The following WWOX variants were observed in gnomAD, a reference collection of about 807,000 sequenced individuals.
The protein encoded by WWOX is WW domain-containing oxidoreductase.
WWOX carries 69 observed loss-of-function variants against 46.2 expected under a neutral mutation model. The observed-to-expected ratio is 1.49, with a 90% CI of 1.23 to 1.82. WWOX has a LOEUF of 1.82. WWOX is among the 40% of genes most tolerant of loss of function. The probability of loss-of-function intolerance (pLI) is 0.00; values close to 1 mark genes in which losing one functional copy is unlikely to be tolerated. For synonymous variants in WWOX, 359 were observed against 202.6 expected (o/e 1.77, Z -6.56); for missense variants, 919 against 542.6 (o/e 1.69, Z -6.89).
At position 78,229,234 on chromosome 16, in the gene WWOX, C is replaced by T. The variant is rs531022311; in HGVS notation, c.516+64945C>T. Among the ~76,000 whole-genome samples, 30 of 146,420 alleles carry T rather than the reference C, an allele frequency of 2.0e-4. No individual in the cohort carries two copies. In the East Asian group the frequency reaches 5.9e-3, roughly 29 times the overall value. On this transcript the variant is annotated intron_variant, in intron 5 of 8. Coordinates refer to ENST00000566780, the MANE Select transcript of WWOX (RefSeq NM_016373.4). Reference sequence around the variant, plus strand: ...CAGAAGGACTTTATAAATATTTTGCCTTTTTGAAGTATATACAAGAAATGA... The same window carrying T: ...CAGAAGGACTTTATAAATATTTTGCTTTTTTGAAGTATATACAAGAAATGA...
chr16:78,811,191 C>A (rs1239697736), intron 8 of WWOX, among the ~76,000 whole-genome samples: 4 of 152,164 alleles, frequency 2.6e-5, no homozygotes, highest in Non-Finnish European at 5.9e-5. Flanking sequence ...TTGTGACATT[C>A]TTAGTTGTGA....
At chr16:78,526,204 G>C (rs374823895) in intron 8 of WWOX, 1 of 152,328 alleles carries the variant, frequency 6.6e-6, no homozygotes, top group East Asian at 1.9e-4. Flanking sequence ...GGAGTAGCGG[G>C]GCAGAAGCCG....
At chr16:78,577,831 G>C (rs1191602845) in intron 8 of WWOX, among the ~76,000 whole-genome samples, 1 of 152,160 alleles carries the variant, frequency 6.6e-6, no homozygotes, top group Non-Finnish European at 1.5e-5. Flanking sequence ...CACATGTACA[G>C]ATGACCTTGT....
At chr16:79,168,962 C>T (rs1256703712) in intron 8 of WWOX, among the ~76,000 whole-genome samples, 2 of 152,184 alleles carry the variant, frequency 1.3e-5, no homozygotes, top group African/African-American at 4.8e-5. Context: ...AAAACTGGCC[C>T]ACTGTAAAAA....
At chr16:78,564,642 A>T (rs1004876022) in intron 8 of WWOX, among the ~76,000 whole-genome samples, 1 of 152,144 alleles carries the variant, frequency 6.6e-6, no homozygotes, top group Non-Finnish European at 1.5e-5. Flanking sequence ...ATATCTGAGA[A>T]TATTCCCTTC....
At chr16:78,379,278 A>G (rs1469315144) in intron 5 of WWOX, among the ~76,000 whole-genome samples, 2 of 152,196 alleles carry the variant, frequency 1.3e-5, no homozygotes, top group South Asian at 2.1e-4. Flanking sequence ...CTGCCATCCA[A>G]TCAGCATCAA....
At chr16:78,292,920 A>G (rs2079882997) in intron 5 of WWOX, among the ~76,000 whole-genome samples, 1 of 152,224 alleles carries the variant, frequency 6.6e-6, no homozygotes, top group South Asian at 2.1e-4. Flanking sequence ...ATTCTGCCAG[A>G]GTGTGAGGAA....
chr16:79,137,357 CTTAAG>C (rs1293289882), intron 8 of WWOX, among the ~76,000 whole-genome samples: 1 of 152,170 alleles, frequency 6.6e-6, no homozygotes, highest in Non-Finnish European at 1.5e-5. Context: ...ATGTGTTAGC[CTTAAG>C]TTAACACTAC....
At chr16:78,313,824 C>T (rs569783021) in intron 5 of WWOX, among the ~76,000 whole-genome samples, 2 of 152,246 alleles carry the variant, frequency 1.3e-5, no homozygotes, top group East Asian at 3.9e-4. Flanking sequence ...TTTGATCCTT[C>T]CTGTTTAAGG....
At chr16:78,469,165 C>T (rs1262208178) in intron 8 of WWOX, among the ~76,000 whole-genome samples, 1 of 152,196 alleles carries the variant, frequency 6.6e-6, no homozygotes, top group East Asian at 1.9e-4. Context: ...GAAGTCACCA[C>T]ATGCTTGTTA....
chr16:78,458,546 C>T (rs969999578), intron 8 of WWOX, among the ~76,000 whole-genome samples: 3 of 152,118 alleles, frequency 2.0e-5, no homozygotes, highest in African/African-American at 7.2e-5. Flanking sequence ...CAGGTACAAG[C>T]CACCATGTCA....
intron 8 of WWOX, among the ~76,000 whole-genome samples, chr16:78,675,851 C>G (rs2047585591): frequency 6.6e-6 from 1 of 151,874 alleles, no homozygotes; most frequent in African/African-American, 2.4e-5. Flanking sequence ...TTTTTTAAAT[C>G]ATGACTTTTC....
At chr16:78,137,592 T>C (rs2033843226) in intron 4 of WWOX, among the ~76,000 whole-genome samples, 1 of 152,156 alleles carries the variant, frequency 6.6e-6, no homozygotes, top group South Asian at 2.1e-4. Context: ...TTACCGTTTT[T>C]CTTTGTAGGT....
intron 8 of WWOX, among the ~76,000 whole-genome samples, chr16:79,189,087 A>T (rs561618003): frequency 6.6e-6 from 1 of 152,318 alleles, no homozygotes; most frequent in African/African-American, 2.4e-5. Flanking sequence ...ATATAGAGAA[A>T]GACAAAAACT....
At chr16:78,467,233 G>A (rs1232893472) in intron 8 of WWOX, among the ~76,000 whole-genome samples, 3 of 152,102 alleles carry the variant, frequency 2.0e-5, no homozygotes, top group Non-Finnish European at 2.9e-5. Flanking sequence ...TTCTGGCAGA[G>A]GGCTTTTTTC....
intron 6 of WWOX, among the ~76,000 whole-genome samples, chr16:78,414,428 G>T (rs533346797): frequency 6.6e-6 from 1 of 152,244 alleles, no homozygotes; most frequent in Non-Finnish European, 1.5e-5. Flanking sequence ...AATTAGCTGG[G>T]CATGGTGCTG....
intron 8 of WWOX, among the ~76,000 whole-genome samples, chr16:78,499,150 G>A (rs74474967): frequency 6.6e-6 from 1 of 151,934 alleles, no homozygotes; most frequent in East Asian, 1.9e-4. Flanking sequence ...CTCTTTCCTC[G>A]TGATGCACGG....
intron 8 of WWOX, among the ~76,000 whole-genome samples, chr16:78,710,050 A>C (rs2048406668): frequency 6.6e-6 from 1 of 152,046 alleles, no homozygotes; most frequent in South Asian, 2.1e-4. Flanking sequence ...CTTTCTTACC[A>C]GCCTGGGCCA....
chr16:78,188,756 T>G (rs955478663), intron 5 of WWOX, among the ~76,000 whole-genome samples: 2 of 152,102 alleles, frequency 1.3e-5, no homozygotes, highest in Non-Finnish European at 2.9e-5. Context: ...GTTAAGATCC[T>G]TCATGGCTAC....
Sources: allele counts gnomAD v4.1 joint callset (sites outside exome capture counted in the v4.1 genomes callset), GRCh38; gene constraint gnomAD v4.1.1; transcripts MANE v1.5; gene names NCBI Gene and HGNC (gene_info 2026-07-23, HGNC 2026-07-21).